The following CDH13 variants were observed in gnomAD, a reference collection of about 807,000 sequenced individuals.
CDH13 encodes the protein cadherin 13, also known as cadherin-13.
CDH13 carries 24 observed loss-of-function variants against 63.8 expected under a neutral mutation model. The ratio of observed to expected loss-of-function variants is 0.38; its 90% confidence interval spans 0.27 to 0.53. The LOEUF is 0.53. Ranked by LOEUF, CDH13 falls within the 20% of genes least tolerant of loss-of-function variation. The pLI is 0.85. For synonymous variants in CDH13, 503 were observed against 355.3 expected (o/e 1.42, Z -4.67); for missense variants, 1,049 against 903.1 (o/e 1.16, Z -2.07).
At chr16:83,501,646 G>T (rs8048417) in intron 7 of CDH13, among the ~76,000 whole-genome samples, 8 of 151,942 alleles carry the variant, frequency 5.3e-5, no homozygotes, top group Non-Finnish European at 1.2e-4. Flanking sequence ...TCTACTAGGA[G>T]GGTTATGGAG....
At chr16:82,788,494 C>A (rs1356110976) in intron 1 of CDH13, among the ~76,000 whole-genome samples, 2 of 152,226 alleles carry the variant, frequency 1.3e-5, no homozygotes, top group Admixed American at 6.5e-5. Flanking sequence ...ATGAGTTCAC[C>A]ACTGCTGGTC....
chr16:82,873,901 A>G (rs911649931), intron 2 of CDH13, among the ~76,000 whole-genome samples: 1 of 152,010 alleles, frequency 6.6e-6, no homozygotes, highest in Non-Finnish European at 1.5e-5. Flanking sequence ...TGTTCTAGGG[A>G]TACTTGTTCT....
chr16:83,657,848 C>A lies in CDH13; in HGVS notation c.1102-12942C>A, dbSNP rs532459057. On this transcript the variant is annotated intron_variant, in intron 8 of 13. Coordinates refer to ENST00000567109, the MANE Select transcript of CDH13 (RefSeq NM_001257.5). ...TCACCAGCAAGGTCCCATGTCCTCACCAGCAGGTCCCATATCCTCACCAGC... is the reference window on the plus strand; with the variant it reads ...TCACCAGCAAGGTCCCATGTCCTCAACAGCAGGTCCCATATCCTCACCAGC... 3.3e-5 allele frequency among the ~76,000 whole-genome samples: 5 copies of A among 151,954 alleles called. No individual in the cohort carries two copies. In the East Asian group the frequency reaches 5.8e-4, roughly 18 times the overall value.
chr16:83,119,404 A>T (rs547592752), intron 3 of CDH13, among the ~76,000 whole-genome samples: 5 of 152,262 alleles, frequency 3.3e-5, no homozygotes, highest in Non-Finnish European at 7.4e-5. Context: ...CTTCACGTCC[A>T]GCAGGCTCCT....
intron 1 of CDH13, 70 bp downstream of exon 1, chr16:82,627,207 G>C: frequency 2.2e-6 from 3 of 1,395,254 alleles, no homozygotes; most frequent in Middle Eastern, 2.4e-4. Context: ...GCACGGGCAG[G>C]GTGAGGGGGC....
intron 2 of CDH13, among the ~76,000 whole-genome samples, chr16:82,869,754 T>G (rs1202130752): frequency 2.0e-5 from 3 of 152,188 alleles, no homozygotes; most frequent in Non-Finnish European, 4.4e-5. Context: ...CAATAAATGC[T>G]GCTGGGAAAA....
chr16:83,429,545 A>G (rs995096580), intron 6 of CDH13, among the ~76,000 whole-genome samples: 53 of 145,190 alleles, frequency 3.7e-4, no homozygotes, highest in African/African-American at 1.3e-3. Context: ...CTCACACAGC[A>G]TTGAAGATGA....
intron 1 of CDH13, among the ~76,000 whole-genome samples, chr16:82,789,738 A>G (rs2036195895): frequency 6.6e-6 from 1 of 152,194 alleles, no homozygotes; most frequent in African/African-American, 2.4e-5. Flanking sequence ...TGAAGTCCAC[A>G]GGTCTGAATA....
chr16:83,194,479 G>A (rs1332950550), intron 4 of CDH13, among the ~76,000 whole-genome samples: 1 of 152,226 alleles, frequency 6.6e-6, no homozygotes, highest in Non-Finnish European at 1.5e-5. Flanking sequence ...ATGGAACTGT[G>A]TCAGGCCTTC....
intron 7 of CDH13, among the ~76,000 whole-genome samples, chr16:83,529,746 A>C (rs1452296663): frequency 6.6e-6 from 1 of 152,202 alleles, no homozygotes; most frequent in Admixed American, 6.5e-5. Flanking sequence ...CTATTAAACG[A>C]CCACATAAAA....
At chr16:83,017,154 G>C (rs548759910) in intron 2 of CDH13, among the ~76,000 whole-genome samples, 2 of 152,284 alleles carry the variant, frequency 1.3e-5, no homozygotes, top group East Asian at 3.9e-4. Flanking sequence ...TATCTTTAAT[G>C]GGTGCATAAG....
intron 7 of CDH13, among the ~76,000 whole-genome samples, chr16:83,514,502 G>C (rs761167512): frequency 6.6e-6 from 1 of 151,990 alleles, no homozygotes; most frequent in African/African-American, 2.4e-5. Flanking sequence ...AAAATTAGCC[G>C]GGCATGGTGG....
intron 2 of CDH13, chr16:82,990,214 C>T (rs1306569157): frequency 6.6e-6 from 1 of 152,150 alleles, no homozygotes; most frequent in Non-Finnish European, 1.5e-5. Flanking sequence ...TTTCAAAGTT[C>T]ATCTTTGAAA....
At chr16:83,256,255 G>T (rs7194196) in intron 5 of CDH13, among the ~76,000 whole-genome samples, 107,039 of 151,880 alleles carry the variant, frequency 0.7, 38,189 homozygotes, top group East Asian at 0.96. Context: ...CTGGTCTGAA[G>T]CTCTTGAGCT....
At chr16:82,743,762 A>G (rs748684183) in intron 1 of CDH13, among the ~76,000 whole-genome samples, 10 of 152,182 alleles carry the variant, frequency 6.6e-5, no homozygotes, top group Admixed American at 2.0e-4. Flanking sequence ...GTCCAGAGAT[A>G]GTTCTCTGCA....
chr16:83,415,766 G>A (rs897847542), intron 6 of CDH13, among the ~76,000 whole-genome samples: 11 of 151,994 alleles, frequency 7.2e-5, no homozygotes, highest in Admixed American at 3.3e-4. Context: ...CATAATAAAG[G>A]CCACATATGA....
chr16:83,372,283 C>T (rs917190634), intron 6 of CDH13, among the ~76,000 whole-genome samples: 1 of 152,134 alleles, frequency 6.6e-6, no homozygotes, highest in African/African-American at 2.4e-5. Context: ...GATTCAAATT[C>T]CAGAAGTCTG....
chr16:83,305,713 A>G (rs2089858844), intron 5 of CDH13, among the ~76,000 whole-genome samples: 3 of 152,128 alleles, frequency 2.0e-5, no homozygotes, highest in Admixed American at 2.0e-4. Flanking sequence ...CCCGGGGGCA[A>G]ATGATGTTCC....
At chr16:83,426,357 T>C (rs772551011) in intron 6 of CDH13, among the ~76,000 whole-genome samples, 18 of 152,138 alleles carry the variant, frequency 1.2e-4, no homozygotes, top group Non-Finnish European at 2.2e-4. Context: ...TCCCCCTCAT[T>C]TGAGAAGCCA....
Sources: allele counts gnomAD v4.1 joint callset (sites outside exome capture counted in the v4.1 genomes callset), GRCh38; gene constraint gnomAD v4.1.1; transcripts MANE v1.5; gene names NCBI Gene and HGNC (gene_info 2026-07-23, HGNC 2026-07-21).